Variants in RAB39A observed in about 807,000 individuals in gnomAD.
The protein encoded by RAB39A is ras-related protein Rab-39A.
Under a neutral mutation model 20.9 loss-of-function variants are expected in RAB39A, and 17 were observed. The ratio of observed to expected loss-of-function variants is 0.81; its 90% CI spans 0.56 to 1.22. The LOEUF (loss-of-function observed/expected upper bound fraction) is 1.22. RAB39A is among the 50% of genes most tolerant of loss of function. RAB39A has a pLI of 0.00. For missense variants in RAB39A, 234 were observed against 270.5 expected, an observed-to-expected ratio of 0.87 and a Z score of 0.95; for synonymous variants, 99 against 103.4, an observed-to-expected ratio of 0.96 and a Z score of 0.26.
intron 1 of RAB39A, among the ~76,000 whole-genome samples, chr11:107,936,344 A>C: frequency 6.8e-6 from 1 of 146,544 alleles, no homozygotes; most frequent in African/African-American, 2.5e-5. Flanking sequence ...TCTTCCCCCC[A>C]CCCCATTTTT....
chr11:107,961,951 T>A lies in RAB39A; in HGVS notation c.233T>A (p.Ile78Lys). The A allele has an allele frequency of 6.2e-7, 1 of 1,607,152 alleles. No homozygotes were observed. The highest frequency in any genetic ancestry group is 8.5e-7 in the Non-Finnish European group (1 of 1,175,128). The change falls in exon 2 of 2, where the codon ATA becomes AAA. Residue 78 changes from isoleucine (I) to lysine (K), a missense_variant. Coordinates refer to ENST00000320578, the MANE Select transcript of RAB39A (RefSeq NM_017516.3). ...DTAGQERFRS[I>K]TRSYYRNSVG... ...TTTTTCTCTTCATTTTTCAGATCAA[T>A]AACCCGATCTTATTACCGCAACTCA...
chr11:107,962,524 A>T lies in RAB39A; in HGVS notation c.*152A>T. The T allele has an allele frequency of 9.7e-6, 7 of 720,610 alleles. No homozygotes were observed. Among genetic ancestry groups the T allele is most frequent in the Non-Finnish European group, 1.5e-5 (7 of 466,120 alleles). The allele number at this position is 720,610 out of a possible 1,614,324, so 44.6% of individuals were successfully genotyped here. A position where few individuals can be genotyped will look rare whatever the true frequency, so the allele number is the denominator to read the frequency against. On this transcript the variant is annotated 3_prime_UTR_variant, in exon 2 of 2. Coordinates refer to ENST00000320578, the MANE Select transcript of RAB39A (RefSeq NM_017516.3). Reference sequence around the variant, plus strand: ...TATAAGGTATTTGATTCAGAGCATGATGCTTACTTGTTACACTACTAGATT... The same window carrying T: ...TATAAGGTATTTGATTCAGAGCATGTTGCTTACTTGTTACACTACTAGATT...
At chr11:107,935,583 C>T (rs968338553) in intron 1 of RAB39A, among the ~76,000 whole-genome samples, 2 of 152,000 alleles carry the variant, frequency 1.3e-5, no homozygotes, top group African/African-American at 4.8e-5. Flanking sequence ...ACTTTGTTAG[C>T]CAGGCTTGTC....
At chr11:107,959,485 A>G (rs551855610) in intron 1 of RAB39A, among the ~76,000 whole-genome samples, 5 of 152,286 alleles carry the variant, frequency 3.3e-5, no homozygotes, top group Admixed American at 1.3e-4. Flanking sequence ...GATTTTTCTT[A>G]TTGTCAATTT....
rs544043987 is a variant in RAB39A at position 107,938,735 on chromosome 11, C to CA, written c.227+9954dup. Among the ~76,000 whole-genome samples, 786 of 103,684 alleles carry CA rather than the reference C, an allele frequency of 7.6e-3. 3 individuals carry two copies. The highest frequency in any genetic ancestry group is 0.02 in the African/African-American group (557 of 27,602). 68.0% of individuals were successfully genotyped at this position (103,684 alleles called of 152,430 possible). A position where few individuals can be genotyped will look rare whatever the true frequency, so the allele number is the denominator to read the frequency against. On this transcript the variant is annotated intron_variant, in intron 1 of 1. Coordinates refer to ENST00000320578, the MANE Select transcript of RAB39A (RefSeq NM_017516.3). ...TGGGCAACAGAGAGAGGCCCTATCT[C>CA]AAAAAAAAAAAAAAGAAAGAAAAAG...
intron 1 of RAB39A, among the ~76,000 whole-genome samples, chr11:107,953,614 A>G (rs1231980826): frequency 6.6e-6 from 1 of 152,218 alleles, no homozygotes; most frequent in Non-Finnish European, 1.5e-5. Context: ...TCTCCCTTGA[A>G]TACTAAAACG....
intron 1 of RAB39A, among the ~76,000 whole-genome samples, chr11:107,951,638 G>A (rs1460957215): frequency 5.2e-5 from 1 of 19,294 alleles, no homozygotes; most frequent in African/African-American, 1.6e-4. Context: ...TTTTTTTTTG[G>A]AGACACGGTC....
In RAB39A at chr11:107,956,140, T is replaced by C. The variant is rs539842814; in HGVS notation, c.228-5806T>C. ...TCAGTGTGAGAACATAAGACCACAC[T>C]AGTAATAGATATAATGTTGGGCACC... On this transcript the variant is annotated intron_variant, in intron 1 of 1. Coordinates refer to ENST00000320578, the MANE Select transcript of RAB39A (RefSeq NM_017516.3). 2.6e-5 allele frequency among the ~76,000 whole-genome samples: 4 copies of C among 152,312 alleles called. 1 individual carries two copies. The highest frequency in any genetic ancestry group is 9.6e-5 in the African/African-American group (4 of 41,570).
intron 1 of RAB39A, among the ~76,000 whole-genome samples, chr11:107,934,917 G>A (rs1192578596): frequency 2.3e-5 from 3 of 130,958 alleles, no homozygotes; most frequent in Non-Finnish European, 3.2e-5. Context: ...GGACAAGAGC[G>A]AGACTTCGTC....
intron 1 of RAB39A, among the ~76,000 whole-genome samples, chr11:107,950,282 T>G (rs371182525): frequency 6.6e-6 from 1 of 152,200 alleles, no homozygotes; most frequent in African/African-American, 2.4e-5. Flanking sequence ...AAATCCCTAC[T>G]GTAAATATTG....
At chr11:107,932,698 CT>C (rs1457148242) in intron 1 of RAB39A, among the ~76,000 whole-genome samples, 1 of 152,076 alleles carries the variant, frequency 6.6e-6, no homozygotes, top group Non-Finnish European at 1.5e-5. Context: ...CTAGTAATCA[CT>C]TTTTTATAAA....
chr11:107,948,283 T>C (rs1387136671), intron 1 of RAB39A, among the ~76,000 whole-genome samples: 1 of 152,190 alleles, frequency 6.6e-6, no homozygotes, highest in Non-Finnish European at 1.5e-5. Flanking sequence ...ATGGAAAATT[T>C]AGCAAAAAGG....
At position 107,928,807 on chromosome 11, in the gene RAB39A, G is replaced by A. The variant is rs1453880697; in HGVS notation, c.227+12G>A. The A allele has an allele frequency of 1.3e-6, 2 of 1,507,384 alleles. No homozygotes were observed. Among genetic ancestry groups the A allele is most frequent in the African/African-American group, 1.4e-5 (1 of 72,176 alleles). 93.4% of individuals were successfully genotyped at this position (1,507,384 alleles called of 1,614,324 possible). On this transcript the variant is annotated intron_variant, in intron 1 of 1. Coordinates refer to ENST00000320578, the MANE Select transcript of RAB39A (RefSeq NM_017516.3). This position sits in a 1 kb window ranked among gnomAD's most constrained non-coding sequence, Gnocchi z 4.9. The stretch of plus-strand genomic sequence containing the variant: ...CAGGAGCGGTTCAGGTAGGGACCCC[G>A]GGGACCTTGGGCACCGCGCCGCCCC...
rs1230031516 is a variant in RAB39A, at chr11:107,946,428, GTGTGTGTGTATA to G, written c.228-15516_228-15505del. Among the ~76,000 whole-genome samples the G allele has an allele frequency of 6.9e-3, 137 of 19,742 alleles. 1 individual carries two copies. The highest frequency in any genetic ancestry group is 0.022 in the East Asian group (10 of 464). The allele number at this position is 19,742 out of a possible 152,430, so 13.0% of individuals were successfully genotyped here. ...TGTGTGTGTGTGTGTGTGTGTGTGT[GTGTGTGTGTATA>G]TATATATATATATATATATATTTTT... On this transcript the variant is annotated intron_variant, in intron 1 of 1. Transcript: ENST00000320578.
chr11:107,934,999 C>A (rs1268417975), intron 1 of RAB39A, among the ~76,000 whole-genome samples: 1 of 151,948 alleles, frequency 6.6e-6, no homozygotes, highest in Non-Finnish European at 1.5e-5. Flanking sequence ...CTGGGAGCAG[C>A]CCCTAACTAT....
At chr11:107,935,303 A>G (rs1861182151) in intron 1 of RAB39A, among the ~76,000 whole-genome samples, 1 of 152,122 alleles carries the variant, frequency 6.6e-6, no homozygotes, top group Non-Finnish European at 1.5e-5. Context: ...CCTAGGTACA[A>G]TGCTTGTATA....
chr11:107,942,534 G>C (rs576739280), intron 1 of RAB39A, among the ~76,000 whole-genome samples: 32 of 152,216 alleles, frequency 2.1e-4, no homozygotes, highest in African/African-American at 7.5e-4. Flanking sequence ...TTGCTCTGTT[G>C]CCTAGGCTGG....
At position 107,928,685 on chromosome 11, in the gene RAB39A, C is replaced by G. The variant is rs1483073080; in HGVS notation, c.117C>G (p.Pro39=). The G allele has an allele frequency of 5.6e-6, 9 of 1,612,068 alleles. No individual in the cohort carries two copies. The highest frequency in any genetic ancestry group is 1.1e-5 in the South Asian group (1 of 90,754). ...TQGRFPGLRS[P]ACDPTVGVDF... Reference sequence around the variant, plus strand: ...GCCGCTTCCCCGGGCTGCGCTCCCCCGCCTGCGACCCCACCGTCGGCGTGG... The same window carrying G: ...GCCGCTTCCCCGGGCTGCGCTCCCCGGCCTGCGACCCCACCGTCGGCGTGG... Residue 39 remains proline, a synonymous_variant, in exon 1 of 2, where the codon CCC becomes CCG. Coordinates refer to ENST00000320578, the MANE Select transcript of RAB39A (RefSeq NM_017516.3). The surrounding 1 kb of genome is among the most constrained non-coding windows in gnomAD (Gnocchi z 4.9).
rs573481777 is a variant in RAB39A at position 107,946,679 on chromosome 11, T to G, written c.228-15267T>G. Among the ~76,000 whole-genome samples the G allele has an allele frequency of 9.9e-4, 150 of 150,832 alleles. 1 individual carries two copies. Among genetic ancestry groups the G allele is most frequent in the Admixed American group, 8.7e-3 (132 of 15,134 alleles). On this transcript the variant is annotated intron_variant, in intron 1 of 1. Coordinates refer to ENST00000320578, the MANE Select transcript of RAB39A (RefSeq NM_017516.3). ...TTAGTAGAGATGGGGTTTCACTGTG[T>G]TAGCCAGGATGGTCTCGATCTCCTG... is the stretch of plus-strand genomic sequence containing the variant.
Sources: gnomAD v4.1 joint callset for allele counts (sites outside exome capture counted in the v4.1 genomes callset) on GRCh38, gnomAD v4.1.1 for gene constraint, Gnocchi (gnomAD v3.1) non-coding constraint, MANE v1.5 for transcripts, NCBI Gene and HGNC (gene_info 2026-07-23, HGNC 2026-07-21) for gene names.